The following GPX8 variants were observed in gnomAD, a reference collection of about 807,000 sequenced individuals.
The protein encoded by GPX8 is protein peroxidase GPX8.
Under a neutral mutation model 17.8 loss-of-function variants are expected in GPX8, and 12 were observed. The observed-to-expected ratio is 0.67, with a 90% CI of 0.43 to 1.09. The LOEUF (loss-of-function observed/expected upper bound fraction) is 1.09, where lower values mean the gene tolerates loss of function less well. Ranked by LOEUF, GPX8 falls within the 50% of genes least tolerant of loss-of-function variation. The pLI is 0.00. For synonymous variants in GPX8, 86 were observed against 88.1 expected (o/e 0.98, Z 0.14); for missense variants, 209 against 235.6 (o/e 0.89, Z 0.74).
chr5:55,163,477 T>C (rs1744200848), intron 2 of GPX8, among the ~76,000 whole-genome samples: 1 of 152,008 alleles, frequency 6.6e-6, no homozygotes, highest in Non-Finnish European at 1.5e-5. Flanking sequence ...TCCCAGCAAT[T>C]TGGGATTACA....
chr5:55,161,338 T>C (rs1196111486), intron 2 of GPX8, 83 bp downstream of exon 2: 9 of 1,292,260 alleles, frequency 7.0e-6, no homozygotes, highest in Non-Finnish European at 9.6e-6. Context: ...TCCTATTTCA[T>C]TTGAAACGTT....
chr5:55,162,265 G>A (rs551553929), intron 2 of GPX8, among the ~76,000 whole-genome samples: 1 of 152,078 alleles, frequency 6.6e-6, no homozygotes, highest in Admixed American at 6.5e-5. Context: ...GTGTGGTGGT[G>A]GGCACCTGTA....
chr5:55,161,235 C>T lies in GPX8; in HGVS notation c.446C>T (p.Pro149Leu), dbSNP rs374511741. 6 of 1,613,536 alleles carry T rather than the reference C, an allele frequency of 3.7e-6. No homozygotes were observed. The highest frequency in any genetic ancestry group is 5.1e-6 in the Non-Finnish European group (6 of 1,179,782). ...KIKILGSEGE[P>L]AFRFLVDSSK... ...AAGATTCTAGGATCTGAAGGAGAAC[C>T]TGCATTTAGATTTCTTGTTGGTAAA... The change falls in exon 2 of 3, where the codon CCT (proline) becomes CTT (leucine). Residue 149 changes from proline (P) to leucine (L), a missense_variant. Physicochemically the swap from Pro to Leu is moderately conservative, Grantham distance 98. Coordinates refer to ENST00000503787, the MANE Select transcript of GPX8 (RefSeq NM_001008397.4).
At position 55,161,068 on chromosome 5, in the gene GPX8, CAA is replaced by C. The variant is rs747315510; in HGVS notation, c.281_282del (p.Lys94ArgfsTer47). On this transcript the variant is annotated frameshift_variant, in exon 2 of 3. Transcript: ENST00000503787. LOFTEE classifies it high-confidence loss of function. ...RNYLGLKELH[K>X]EFGPSHFSVL... is the part of the protein sequence containing the mutation. ...ATTACTTAGGGCTGAAGGAACTGCACAAAGAGTTTGGACCATCCCACTTCAGC... is the reference window on the plus strand; with the variant it reads ...ATTACTTAGGGCTGAAGGAACTGCACAGAGTTTGGACCATCCCACTTCAGC... 6.2e-6 allele frequency: 10 copies of C among 1,614,154 alleles called. No individual in the cohort carries two copies. Among genetic ancestry groups the C allele is most frequent in the East Asian group, 2.2e-5 (1 of 44,882 alleles).
In GPX8 at chr5:55,163,498, A is replaced by AT. The variant is rs1010775884; in HGVS notation, c.467-549dup. ...CAATTTGGGATTACAACTTTGCTTC[A>AT]TTTTTTTTGGCTTTTAATTTTATTT... On this transcript the variant is annotated intron_variant, in intron 2 of 2. Coordinates refer to ENST00000503787, the MANE Select transcript of GPX8 (RefSeq NM_001008397.4). Among the ~76,000 whole-genome samples the AT allele has an allele frequency of 1.6e-4, 25 of 151,520 alleles. 1 individual carries two copies. The highest frequency in any genetic ancestry group is 4.4e-4 in the African/African-American group (18 of 41,348).
At chr5:55,163,122 A>G (rs986090924) in intron 2 of GPX8, among the ~76,000 whole-genome samples, 36 of 152,348 alleles carry the variant, frequency 2.4e-4, no homozygotes, top group Middle Eastern at 3.4e-3. Flanking sequence ...TTTTAGTTAT[A>G]ATTATTATAT....
intron 2 of GPX8, among the ~76,000 whole-genome samples, chr5:55,162,496 A>G (rs1744131250): frequency 6.6e-6 from 1 of 152,222 alleles, no homozygotes; most frequent in Non-Finnish European, 1.5e-5. Context: ...GTTTTGATCA[A>G]ACTATTACCT....
Position 55,166,729 on chromosome 5 carries a change from G to GA in GPX8, c.*2516dup, listed in dbSNP as rs1332646529. Reference sequence around the variant, plus strand: ...GATGCCTGGGCTAAGGACTGTAACAGAAAAATATCAACATCAGAGCCTGGC... The same window carrying GA: ...GATGCCTGGGCTAAGGACTGTAACAGAAAAAATATCAACATCAGAGCCTGGC... On this transcript the variant is annotated 3_prime_UTR_variant, in exon 3 of 3. Transcript: ENST00000503787. The GA allele has an allele frequency of 2.6e-5, 4 of 152,222 alleles. No individual in the cohort carries two copies. Among genetic ancestry groups the GA allele is most frequent in the African/African-American group, 9.7e-5 (4 of 41,424 alleles). 9.4% of individuals were successfully genotyped at this position (152,222 alleles called of 1,614,324 possible). A position where few individuals can be genotyped will look rare whatever the true frequency, so the allele number is the denominator to read the frequency against.
At chr5:55,164,009 CA>C (rs766166053) in intron 2 of GPX8, 45 bp from the exon 3 acceptor site, 1 of 1,381,838 alleles carries the variant, frequency 7.2e-7, no homozygotes, top group Non-Finnish European at 9.8e-7. Flanking sequence ...AAAATCTTGA[CA>C]AAGAATAAAA....
At position 55,164,161 on chromosome 5, in the gene GPX8, G is replaced by T. The variant is rs775978618; in HGVS notation, c.573G>T (p.Arg191Ser). Residue 191 changes from arginine (R) to serine (S), a missense_variant, in exon 3 of 3, where the codon AGG (arginine) becomes AGT (serine). Arg to Ser is a moderately radical substitution (Grantham distance 110). Coordinates refer to ENST00000503787, the MANE Select transcript of GPX8 (RefSeq NM_001008397.4). ...WKPEEPIEVI[R>S]PDIAALVRQV... is the part of the protein sequence containing the mutation. Reference sequence around the variant, plus strand: ...CAGAGGAGCCCATTGAAGTCATCAGGCCTGACATAGCAGCTCTGGTTAGAC... The same window carrying T: ...CAGAGGAGCCCATTGAAGTCATCAGTCCTGACATAGCAGCTCTGGTTAGAC... 4 of 1,598,732 alleles carry T rather than the reference G, an allele frequency of 2.5e-6. No homozygotes were observed. The Admixed American group carries it at 6.7e-5, about 27-fold the overall frequency.
intron 2 of GPX8, among the ~76,000 whole-genome samples, chr5:55,163,013 A>G (rs1449790624): frequency 6.6e-6 from 1 of 152,176 alleles, no homozygotes; most frequent in Admixed American, 6.5e-5. Flanking sequence ...GGGGATGATA[A>G]TAATACCCAC....
In GPX8 at chr5:55,166,662, C is replaced by A. The variant is rs1744405575; in HGVS notation, c.*2444C>A. ...CTATATTGGACAATCTTCCTTCAGT[C>A]TTGTTTCTGCATCAAAAAGTCTGGG... On this transcript the variant is annotated 3_prime_UTR_variant, in exon 3 of 3. Transcript: ENST00000503787. The A allele has an allele frequency of 6.6e-6, 1 of 152,198 alleles. No individual in the cohort carries two copies. Among genetic ancestry groups the A allele is most frequent in the Non-Finnish European group, 1.5e-5 (1 of 68,060 alleles). 9.4% of individuals were successfully genotyped at this position (152,198 alleles called of 1,614,324 possible). A position where few individuals can be genotyped will look rare whatever the true frequency, so the allele number is the denominator to read the frequency against.
Position 55,160,973 on chromosome 5 carries a change from AT to A in GPX8, c.205-14del. 1 of 1,583,994 alleles carries A rather than the reference AT, an allele frequency of 6.3e-7. No individual in the cohort carries two copies. Among genetic ancestry groups the A allele is most frequent in the Non-Finnish European group, 8.6e-7 (1 of 1,167,500 alleles). ...ATCTTTTGCTTCACTTTCCGGTTGG[AT>A]TTTTTTCTTTTTCCGGGAGGTTTCA... On this transcript the variant is annotated intron_variant, in intron 1 of 2. Transcript: ENST00000503787.
In GPX8 at chr5:55,164,605, T is replaced by C. The variant is rs1250098106; in HGVS notation, c.*387T>C. 1 of 153,586 alleles carries C rather than the reference T, an allele frequency of 6.5e-6. No homozygotes were observed. Among genetic ancestry groups the C allele is most frequent in the South Asian group, 2.1e-4 (1 of 4,858 alleles). The allele number at this position is 153,586 out of a possible 1,614,324, so 9.5% of individuals were successfully genotyped here. ...TTCAACTTGACATTTTCTAGGACTGTACTTGATGAAAATGCCAACACACTA... is the reference window on the plus strand; with the variant it reads ...TTCAACTTGACATTTTCTAGGACTGCACTTGATGAAAATGCCAACACACTA... On this transcript the variant is annotated 3_prime_UTR_variant, in exon 3 of 3. Transcript: ENST00000503787.
chr5:55,164,119 T>G lies in GPX8; in HGVS notation c.531T>G (p.Val177=), dbSNP rs536279973. Residue 177 remains valine, a synonymous_variant, in exon 3 of 3, where the codon GTT becomes GTG. Coordinates refer to ENST00000503787, the MANE Select transcript of GPX8 (RefSeq NM_001008397.4). The part of the protein sequence containing the change: ...WKYLVNPEGQ[V]VKFWKPEEPI... ...ATCTTGTCAACCCTGAGGGTCAAGTTGTGAAGTTCTGGAAGCCAGAGGAGC... is the reference window on the plus strand; with the variant it reads ...ATCTTGTCAACCCTGAGGGTCAAGTGGTGAAGTTCTGGAAGCCAGAGGAGC... 1 of 1,606,934 alleles carries G rather than the reference T, an allele frequency of 6.2e-7. No individual in the cohort carries two copies. Among genetic ancestry groups the G allele is most frequent in the East Asian group, 2.2e-5 (1 of 44,814 alleles).
intron 1 of GPX8, 28 bp from the exon 2 acceptor site, chr5:55,160,966 C>T (rs1329895378): frequency 1.3e-6 from 2 of 1,581,234 alleles, no homozygotes; most frequent in East Asian, 2.3e-5. Flanking sequence ...CTTCACTTTC[C>T]GGTTGGATTT....
chr5:55,163,545 C>T (rs1397560932), intron 2 of GPX8, among the ~76,000 whole-genome samples: 1 of 151,800 alleles, frequency 6.6e-6, no homozygotes, highest in African/African-American at 2.4e-5. Context: ...TCACTCTTGT[C>T]CCCCAGGCTG....
intron 2 of GPX8, among the ~76,000 whole-genome samples, chr5:55,162,541 A>G (rs1744134057): frequency 6.6e-6 from 1 of 152,272 alleles, no homozygotes; most frequent in East Asian, 1.9e-4. Context: ...CCAACAAACC[A>G]AATAGTGATC....
rs950175933 is a variant in GPX8, at chr5:55,165,428, G to T, written c.*1210G>T. The T allele has an allele frequency of 6.6e-6, 1 of 152,308 alleles. No individual in the cohort carries two copies. Among genetic ancestry groups the T allele is most frequent in the Non-Finnish European group, 1.5e-5 (1 of 68,014 alleles). 9.4% of individuals were successfully genotyped at this position (152,308 alleles called of 1,614,324 possible). ...AAATGTAAAAAAGTCGTATAAATTT[G>T]TCTAAGAAGAAAAAGACCCAATTTA... On this transcript the variant is annotated 3_prime_UTR_variant, in exon 3 of 3. Transcript: ENST00000503787.
Sources: gnomAD v4.1 joint callset for allele counts (sites outside exome capture counted in the v4.1 genomes callset) on GRCh38, gnomAD v4.1.1 for gene constraint, MANE v1.5 for transcripts, NCBI Gene and HGNC (gene_info 2026-07-23, HGNC 2026-07-21) for gene names.